The following HEPH variants were observed in gnomAD, a reference collection of about 807,000 sequenced individuals.
The protein encoded by HEPH is hephaestin.
HEPH carries 69 observed loss-of-function variants against 80.8 expected under a neutral mutation model. The observed-to-expected ratio is 0.85, with a 90% CI of 0.70 to 1.04. The LOEUF (loss-of-function observed/expected upper bound fraction) is 1.04. Among genes scored for constraint, HEPH ranks in the 50% least tolerant of loss-of-function variants. The pLI is 0.00. For synonymous variants in HEPH, 431 were observed against 322.8 expected (o/e 1.34, Z -3.60); for missense variants, 1,115 against 891.3 (o/e 1.25, Z -3.20).
chrX:66,249,855 A>G (rs2090943373), intron 15 of HEPH, among the ~76,000 whole-genome samples: 1 of 111,622 alleles, frequency 9.0e-6, no homozygotes, highest in Non-Finnish European at 1.9e-5. Flanking sequence ...GGAAGAAATA[A>G]ACTTTGAGGA....
intron 10 of HEPH, 111 bp from the exon 11 acceptor site, chrX:66,198,767 G>T (rs2088252579): frequency 6.6e-6 from 4 of 604,321 alleles, no homozygotes; most frequent in Non-Finnish European, 1.0e-5. Context: ...GTCTCAAAAT[G>T]GGAAAAGGAA....
intron 15 of HEPH, among the ~76,000 whole-genome samples, chrX:66,237,660 CAT>C (rs1267224797): frequency 2.7e-5 from 3 of 112,076 alleles, no homozygotes; most frequent in African/African-American, 9.7e-5. Flanking sequence ...GCTGAGTTCA[CAT>C]GTTGAATATC....
chrX:66,207,277 G>A lies in HEPH; in HGVS notation c.2374G>A (p.Gly792Ser), dbSNP rs751999488. Reference protein sequence around the residue: ...KKAVFREYTDGTFRIPRPRTG... With the variant: ...KKAVFREYTDSTFRIPRPRTG... ...AGCTGTATTCAGGGAATACACTGAT[G>A]GTACATTCAGGATCCCTCGGCCAAG... The change falls in exon 14 of 21, where the codon GGT becomes AGT. Residue 792 changes from glycine to serine, a missense_variant. Physicochemically the swap from Gly to Ser is moderately conservative, Grantham distance 56 (BLOSUM62 0). Transcript: ENST00000343002. The A allele has an allele frequency of 1.2e-5, 14 of 1,199,082 alleles. No individual in the cohort carries two copies. The highest frequency in any genetic ancestry group is 1.1e-4 in the Admixed American group (5 of 45,259).
chrX:66,264,661 A>T (rs1215331334), intron 20 of HEPH, among the ~76,000 whole-genome samples: 1 of 108,924 alleles, frequency 9.2e-6, no homozygotes, highest in Non-Finnish European at 1.9e-5. Flanking sequence ...AGTCTTAATG[A>T]TCTGCCTAAG....
At chrX:66,237,008 C>A (rs1444647546) in intron 15 of HEPH, among the ~76,000 whole-genome samples, 1 of 110,927 alleles carries the variant, frequency 9.0e-6, no homozygotes, top group East Asian at 2.8e-4. Flanking sequence ...GATATTCTTT[C>A]TTTCTTCTTT....
chrX:66,163,559 A>T, upstream of HEPH, among the ~76,000 whole-genome samples: 1 of 111,131 alleles, frequency 9.0e-6, no homozygotes, highest in Non-Finnish European at 1.9e-5. Context: ...ATATAAAAAA[A>T]TCCACCAGTG....
chrX:66,200,725 A>G lies in HEPH; in HGVS notation c.2050A>G (p.Met684Val). 2 of 1,210,691 alleles carry G rather than the reference A, an allele frequency of 1.7e-6. No homozygotes were observed. The highest frequency in any genetic ancestry group is 2.2e-6 in the Non-Finnish European group (2 of 895,109). ...TATGCTCTTTCCTCATACCTTTGTC[A>G]TGGCCATCATGCAGCCTGACAACCT... ...AAMLFPHTFV[M>V]AIMQPDNLGT... The change falls in exon 12 of 21, where the codon ATG becomes GTG. Residue 684 changes from methionine (M) to valine (V), a missense_variant. Coordinates refer to ENST00000343002, the MANE Select transcript of HEPH (RefSeq NM_001367233.3).
chrX:66,178,407 G>A (rs200051175), intron 4 of HEPH, among the ~76,000 whole-genome samples: 24 of 112,390 alleles, frequency 2.1e-4, no homozygotes, highest in East Asian at 1.4e-3. Context: ...ATAAACATGC[G>A]TGTGCATGTG....
chrX:66,199,098 T>C, intron 11 of HEPH, 70 bp downstream of exon 11: 1 of 1,020,781 alleles, frequency 9.8e-7, no homozygotes, highest in Non-Finnish European at 1.4e-6. Flanking sequence ...ACCGTAATCA[T>C]GACCAATCCT....
chrX:66,204,190 A>G (rs1031245087), intron 13 of HEPH, among the ~76,000 whole-genome samples: 1 of 111,848 alleles, frequency 8.9e-6, no homozygotes, highest in African/African-American at 3.3e-5. Flanking sequence ...TGGAAATTGT[A>G]TATATCACTT....
At chrX:66,177,986 G>T (rs753637399) in intron 4 of HEPH, among the ~76,000 whole-genome samples, 1 of 111,213 alleles carries the variant, frequency 9.0e-6, no homozygotes, top group Non-Finnish European at 1.9e-5. Flanking sequence ...GGGTACATGT[G>T]CACAACGTGC....
At chrX:66,198,206 C>T (rs1216289405) in intron 10 of HEPH, among the ~76,000 whole-genome samples, 1 of 106,285 alleles carries the variant, frequency 9.4e-6, no homozygotes, top group African/African-American at 3.5e-5. Flanking sequence ...TTCCCTCTCC[C>T]TCACCTCGGT....
intron 12 of HEPH, 106 bp downstream of exon 12, chrX:66,200,858 G>T (rs761207471): frequency 6.7e-6 from 4 of 597,971 alleles, no homozygotes; most frequent in African/African-American, 2.3e-5. Context: ...GCATGTTAAG[G>T]GTTCTAGGAA....
intron 15 of HEPH, among the ~76,000 whole-genome samples, chrX:66,239,348 G>T (rs1027726153): frequency 2.7e-5 from 3 of 111,503 alleles, no homozygotes; most frequent in Admixed American, 9.5e-5. Context: ...CCCAGCTTTT[G>T]TGTCTTCCTT....
At chrX:66,175,763 T>TATGTATG (rs1200988197) in intron 4 of HEPH, among the ~76,000 whole-genome samples, 28 of 80,581 alleles carry the variant, frequency 3.5e-4, no homozygotes, top group Non-Finnish European at 4.9e-4. Flanking sequence ...ATGTATGTAT[T>TATGTATG]TATTTTTTCA....
At chrX:66,166,825 G>A (rs1245907549) in intron 1 of HEPH, among the ~76,000 whole-genome samples, 1 of 111,646 alleles carries the variant, frequency 9.0e-6, no homozygotes, top group African/African-American at 3.3e-5. Context: ...TCATACCTAT[G>A]TTTATATTCC....
chrX:66,171,811 T>TA (rs1185963566), intron 2 of HEPH, among the ~76,000 whole-genome samples: 4 of 109,788 alleles, frequency 3.6e-5, no homozygotes, highest in Non-Finnish European at 7.6e-5. Context: ...TTTTTTTTTT[T>TA]AGTCACCAGT....
At chrX:66,263,448 ATATTTCATGTCACTGTTCAAAATCAAATC>A (rs1291110615) in intron 19 of HEPH, among the ~76,000 whole-genome samples, 167 bp from the exon 20 acceptor site, 2 of 112,108 alleles carry the variant, frequency 1.8e-5, no homozygotes, top group Non-Finnish European at 3.8e-5. Context: ...TCTCTTGCCC[ATATTTCATGTCACTGTTCAAAATCAAATC>A]AACATACCAA....
At position 66,164,497 on chromosome X, in the gene HEPH, AC is replaced by A. The variant is rs932615839; in HGVS notation, c.-14+28del. 9.4e-6 allele frequency: 7 copies of A among 746,525 alleles called. No homozygotes were observed. The African/African-American group carries it at 1.2e-4, about 12-fold the overall frequency. The allele number at this position is 746,525 out of a possible 1,213,427, so 61.5% of individuals were successfully genotyped here. ...TAAGCTTTCTTTTCTCTCTTTTCAAACTCTACCTCACCTGCCTTCCTGTGCA... is the reference window on the plus strand; with the variant it reads ...TAAGCTTTCTTTTCTCTCTTTTCAAATCTACCTCACCTGCCTTCCTGTGCA... On this transcript the variant is annotated intron_variant, in intron 1 of 20. Transcript: ENST00000343002.
Sources: allele counts gnomAD v4.1 joint callset (sites outside exome capture counted in the v4.1 genomes callset), GRCh38; gene constraint gnomAD v4.1.1; transcripts MANE v1.5; gene names NCBI Gene and HGNC (gene_info 2026-07-23, HGNC 2026-07-21).